CKAP5: variants seen among roughly 807,000 people sequenced by gnomAD.
The protein encoded by CKAP5 is cytoskeleton-associated protein 5.
Under a neutral mutation model 232.8 loss-of-function variants are expected in CKAP5, and 27 were observed. The observed-to-expected ratio is 0.12, with a 90% CI of 0.09 to 0.16. The LOEUF (loss-of-function observed/expected upper bound fraction) is 0.16. CKAP5 is among the 10% of genes least tolerant of loss of function. The pLI, the probability that CKAP5 is intolerant of heterozygous loss-of-function variation, is 1.00. For missense variants in CKAP5, 1,838 were observed against 2,424.7 expected, an observed-to-expected ratio of 0.76 and a Z score of 5.08; for synonymous variants, 785 against 841.1, an observed-to-expected ratio of 0.93 and a Z score of 1.16.
intron 8 of CKAP5, among the ~76,000 whole-genome samples, chr11:46,804,117 T>C (rs1939098278): frequency 6.6e-6 from 1 of 152,224 alleles, no homozygotes; most frequent in African/African-American, 2.4e-5. Context: ...TCCCTATCCA[T>C]TGTTGGAACA....
Position 46,744,005 on chromosome 11 carries a change from C to CG in CKAP5, c.*17dup, listed in dbSNP as rs1565712080. On this transcript the variant is annotated 3_prime_UTR_variant, in exon 44 of 44. Coordinates refer to ENST00000529230, the MANE Select transcript of CKAP5 (RefSeq NM_001008938.4). ...TTAGTAAACTAAAGCTGCAGGGTGC[C>CG]GGGGGAGTGGGGCAGCTTCATTTGC... The CG allele has an allele frequency of 6.2e-7, 1 of 1,612,012 alleles. No individual in the cohort carries two copies. Among genetic ancestry groups the CG allele is most frequent in the South Asian group, 1.1e-5 (1 of 90,954 alleles).
In CKAP5 at chr11:46,795,682, G is replaced by A. The variant is rs1461790242; in HGVS notation, c.1562C>T (p.Thr521Ile). The change falls in exon 13 of 44, where the codon ACT becomes ATT. Residue 521 changes from threonine (T) to isoleucine (I), a missense_variant. Transcript: ENST00000529230. Reference sequence around the variant, plus strand: ...ATCTCCTGCAGCCCCTGAAGCAGCAGTCCTTCCAGGCAGAGGTTTGAATTC... The same window carrying A: ...ATCTCCTGCAGCCCCTGAAGCAGCAATCCTTCCAGGCAGAGGTTTGAATTC... The part of the protein sequence containing the change: ...KKEFKPLPGR[T>I]AASGAAGDKD... The A allele has an allele frequency of 6.2e-7, 1 of 1,614,118 alleles. No individual in the cohort carries two copies. The highest frequency in any genetic ancestry group is 1.7e-5 in the Admixed American group (1 of 60,014).
At chr11:46,763,372 A>G in intron 29 of CKAP5, 109 bp downstream of exon 29, 1 of 1,081,204 alleles carries the variant, frequency 9.2e-7, no homozygotes, top group Non-Finnish European at 1.3e-6. Flanking sequence ...CTAAAAATAG[A>G]GAACATAGTA....
intron 1 of CKAP5, among the ~76,000 whole-genome samples, chr11:46,838,510 C>T (rs1472723131): frequency 3.3e-5 from 5 of 151,174 alleles, no homozygotes; most frequent in East Asian, 3.9e-4. Flanking sequence ...CGGTGGCTCA[C>T]GCCTGTAATC....
intron 1 of CKAP5, among the ~76,000 whole-genome samples, chr11:46,833,083 C>T (rs989012727): frequency 6.6e-6 from 1 of 152,012 alleles, no homozygotes; most frequent in Non-Finnish European, 1.5e-5. Context: ...ATAGGCTGTG[C>T]ACCACAATAG....
chr11:46,752,738 T>C (rs1461601578), intron 37 of CKAP5, 28 bp from the exon 38 acceptor site: 1 of 1,579,970 alleles, frequency 6.3e-7, no homozygotes, highest in South Asian at 1.1e-5. Flanking sequence ...CACAACAGCA[T>C]TAAGTTTCAA....
chr11:46,842,179 T>C (rs997455504), intron 1 of CKAP5, among the ~76,000 whole-genome samples: 1 of 152,128 alleles, frequency 6.6e-6, no homozygotes, highest in Admixed American at 6.5e-5. Flanking sequence ...GAAAAATGTA[T>C]GCCGGGACAA....
At chr11:46,761,554 A>ACCT in intron 32 of CKAP5, among the ~76,000 whole-genome samples, 1 of 152,350 alleles carries the variant, frequency 6.6e-6, no homozygotes, top group East Asian at 1.9e-4. Flanking sequence ...AAACGAAATA[A>ACCT]GAGGTCAGAG....
At chr11:46,754,230 A>G (rs1212759284) in intron 36 of CKAP5, among the ~76,000 whole-genome samples, 1 of 149,890 alleles carries the variant, frequency 6.7e-6, no homozygotes, top group Non-Finnish European at 1.5e-5. Flanking sequence ...AACTCCTGAC[A>G]TTGTGATCCA....
chr11:46,793,488 A>C (rs1938790047), intron 13 of CKAP5, among the ~76,000 whole-genome samples: 1 of 152,266 alleles, frequency 6.6e-6, no homozygotes, highest in Admixed American at 6.5e-5. Context: ...AGGTGTAAAC[A>C]CCTGGACTGG....
At chr11:46,812,394 A>G (rs1939295287) in intron 4 of CKAP5, among the ~76,000 whole-genome samples, 1 of 152,144 alleles carries the variant, frequency 6.6e-6, no homozygotes, top group Admixed American at 6.6e-5. Flanking sequence ...CATAGATTAC[A>G]TTTTCAAGTT....
chr11:46,765,225 G>A lies in CKAP5; in HGVS notation c.3443C>T (p.Thr1148Ile), dbSNP rs138908059. Residue 1148 changes from threonine (T) to isoleucine (I), a missense_variant, in exon 28 of 44, where the codon ACC becomes ATC. Transcript: ENST00000529230. ...SAQGKKMPSK[T>I]SLKEDEDKSG... The stretch of plus-strand genomic sequence containing the variant: ...TTTGTCTTCATCCTCCTTTAAGCTG[G>A]TTTTGCTTGGCATCTTCTTCCCTTG... 32 of 1,612,102 alleles carry A rather than the reference G, an allele frequency of 2.0e-5. No homozygotes were observed. In the African/African-American group the frequency reaches 3.1e-4, roughly 16 times the overall value.
chr11:46,805,071 TA>T (rs754853965), intron 8 of CKAP5, among the ~76,000 whole-genome samples: 276 of 139,516 alleles, frequency 2.0e-3, no homozygotes, highest in Admixed American at 2.3e-3. Context: ...TACTAAAAAT[TA>T]AAAAAAAAAA....
chr11:46,776,190 C>G, intron 24 of CKAP5, 65 bp downstream of exon 24: 1 of 1,386,308 alleles, frequency 7.2e-7, no homozygotes, highest in Non-Finnish European at 9.9e-7. Flanking sequence ...ATTTATCAGA[C>G]AGGCCCAAGC....
intron 24 of CKAP5, among the ~76,000 whole-genome samples, 170 bp downstream of exon 24, chr11:46,776,085 G>GA (rs1322297416): frequency 6.6e-5 from 10 of 152,058 alleles, no homozygotes; most frequent in Non-Finnish European, 1.3e-4. Flanking sequence ...CATGTGAAAG[G>GA]AAAAAATGGA....
chr11:46,811,085 G>A lies in CKAP5; in HGVS notation c.552C>T (p.Ala184=). Residue 184 remains alanine, a synonymous_variant, in exon 5 of 44, where the codon GCC becomes GCT. Coordinates refer to ENST00000529230, the MANE Select transcript of CKAP5 (RefSeq NM_001008938.4). ...TGTAAATCTCCACAGCAATTAGTTTGGCTTCATCTCGAACAGCCTTCTCTC... is the reference window on the plus strand; with the variant it reads ...TGTAAATCTCCACAGCAATTAGTTTAGCTTCATCTCGAACAGCCTTCTCTC... ...ESREKAVRDE[A]KLIAVEIYRW... The A allele has an allele frequency of 6.2e-7, 1 of 1,614,078 alleles. No individual in the cohort carries two copies. Among genetic ancestry groups the A allele is most frequent in the Non-Finnish European group, 8.5e-7 (1 of 1,179,986 alleles).
chr11:46,767,827 A>T (rs764748927), intron 26 of CKAP5, among the ~76,000 whole-genome samples, 164 bp from the exon 27 acceptor site: 1 of 151,926 alleles, frequency 6.6e-6, no homozygotes, highest in Non-Finnish European at 1.5e-5. Context: ...ATTTTGCTCT[A>T]TCTCCCAGGC....
At chr11:46,752,805 T>G (rs927292607) in intron 37 of CKAP5, 95 bp from the exon 38 acceptor site, 15 of 848,452 alleles carry the variant, frequency 1.8e-5, no homozygotes, top group Non-Finnish European at 2.9e-5. Context: ...ACTCTATTCA[T>G]CTAATAAACT....
chr11:46,813,039 C>T (rs147247150), intron 4 of CKAP5, among the ~76,000 whole-genome samples: 277 of 152,168 alleles, frequency 1.8e-3, no homozygotes, highest in African/African-American at 6.4e-3. Context: ...AGCAGCCTCA[C>T]CCCCTGGGCT....
Sources: gnomAD v4.1 joint callset for allele counts (sites outside exome capture counted in the v4.1 genomes callset) on GRCh38, gnomAD v4.1.1 for gene constraint, MANE v1.5 for transcripts, NCBI Gene and HGNC (gene_info 2026-07-23, HGNC 2026-07-21) for gene names.